The following RHOBTB2 variants were observed in gnomAD, a reference collection of about 807,000 sequenced individuals.
The protein encoded by RHOBTB2 is Rho related BTB domain containing 2.
RHOBTB2 carries 39 observed loss-of-function variants against 66.5 expected under a neutral mutation model. That is an observed-to-expected ratio of 0.59 (90% CI 0.45 to 0.77). The LOEUF (loss-of-function observed/expected upper bound fraction) is 0.77. Ranked by LOEUF, RHOBTB2 falls within the 30% of genes least tolerant of loss-of-function variation. RHOBTB2 has a pLI of 0.00. For synonymous variants in RHOBTB2, 390 were observed against 395.0 expected, an observed-to-expected ratio of 0.99 and a Z score of 0.15; for missense variants, 755 against 999.1, an observed-to-expected ratio of 0.76 and a Z score of 3.29.
At chr8:23,003,176 C>T (rs905401742) in intron 1 of RHOBTB2, among the ~76,000 whole-genome samples, 23 of 152,204 alleles carry the variant, frequency 1.5e-4, no homozygotes, top group African/African-American at 5.5e-4. Flanking sequence ...ATGACGCTGG[C>T]GAAACCAAGC....
the RHOBTB2 span, among the ~76,000 whole-genome samples, chr8:22,963,598 C>A: frequency 2.0e-5 from 3 of 151,910 alleles, no homozygotes; most frequent in Admixed American, 2.0e-4. Flanking sequence ...AAGACATACC[C>A]AAGACTGAGC....
chr8:22,960,387 C>T, the RHOBTB2 span, among the ~76,000 whole-genome samples: 14 of 149,296 alleles, frequency 9.4e-5, no homozygotes, highest in African/African-American at 3.2e-4. Flanking sequence ...GGTGCCATCT[C>T]GGCTCACTGC....
rs369421117 is a variant in RHOBTB2, at chr8:23,012,084, C to G, written c.1771+1396C>G. ...CAAGAGAGGCATCTAAAGATCCCAGCTACAACAGTATATCTTGTTTTGCTG... is the reference window on the plus strand; with the variant it reads ...CAAGAGAGGCATCTAAAGATCCCAGGTACAACAGTATATCTTGTTTTGCTG... On this transcript the variant is annotated intron_variant, in intron 7 of 9. Coordinates refer to ENST00000251822, the MANE Select transcript of RHOBTB2 (RefSeq NM_015178.3). 7.2e-5 allele frequency among the ~76,000 whole-genome samples: 11 copies of G among 152,288 alleles called. No homozygotes were observed. In the East Asian group the frequency reaches 1.5e-3, roughly 21 times the overall value.
chr8:22,979,246 A>C, the RHOBTB2 span, among the ~76,000 whole-genome samples: 1 of 152,168 alleles, frequency 6.6e-6, no homozygotes, highest in Non-Finnish European at 1.5e-5. Context: ...TAATTTGTTT[A>C]TTATTTTGGT....
At chr8:23,009,170 A>AAGAGAAAAAGAGAGAG (rs1554504925) in intron 6 of RHOBTB2, among the ~76,000 whole-genome samples, 2 of 138,198 alleles carry the variant, frequency 1.4e-5, no homozygotes, top group Non-Finnish European at 3.0e-5. Context: ...AAAAGAAAAA[A>AAGAGAAAAAGAGAGAG]AGAGAGAGAG....
intron 1 of RHOBTB2, among the ~76,000 whole-genome samples, chr8:23,000,958 G>A (rs776446340): frequency 4.0e-5 from 6 of 151,572 alleles, no homozygotes; most frequent in Non-Finnish European, 7.4e-5. Flanking sequence ...GCTGTGGGAG[G>A]GAAAGGGGCC....
At position 23,011,752 on chromosome 8, in the gene RHOBTB2, C is replaced by T. The variant is rs10095285; in HGVS notation, c.1771+1064C>T. ...CTAGTGGTGGCGGCAGGGGTACCAG[C>T]GCTGGTGTTGATGCCGAGGTTAATA... On this transcript the variant is annotated intron_variant, in intron 7 of 9. Coordinates refer to ENST00000251822, the MANE Select transcript of RHOBTB2 (RefSeq NM_015178.3). Among the ~76,000 whole-genome samples the T allele has an allele frequency of 9.3e-3, 1,422 of 152,222 alleles. 27 individuals carry two copies. Among genetic ancestry groups the T allele is most frequent in the African/African-American group, 0.032 (1,345 of 41,516 alleles).
At chr8:22,961,871 G>T in the RHOBTB2 span, among the ~76,000 whole-genome samples, 1 of 152,082 alleles carries the variant, frequency 6.6e-6, no homozygotes, top group Non-Finnish European at 1.5e-5. Flanking sequence ...GACCAACAAT[G>T]TAAGGAAAGG....
At chr8:22,994,468 G>A (rs1810494328) in intron 2 of RHOBTB2, 2 of 741,540 alleles carry the variant, frequency 2.7e-6, no homozygotes, top group South Asian at 1.7e-5. Flanking sequence ...TATCTGGGCT[G>A]AGCGACCTTG....
intron 9 of RHOBTB2, 40 bp downstream of exon 9, chr8:23,015,783 C>T (rs775094846): frequency 2.2e-6 from 3 of 1,380,734 alleles, no homozygotes; most frequent in Admixed American, 1.7e-5. Context: ...CTGCTGCCCT[C>T]CCCTTAGGGG....
upstream of RHOBTB2, among the ~76,000 whole-genome samples, chr8:22,995,005 ATCCACCTGCCTTGGCC>A (rs1330190172): frequency 3.9e-5 from 6 of 152,230 alleles, no homozygotes; most frequent in African/African-American, 1.2e-4. Context: ...ACCTCAGGTG[ATCCACCTGCCTTGGCC>A]TCCCAAAGTG....
chr8:23,015,378 C>T (rs2128807996), intron 8 of RHOBTB2, among the ~76,000 whole-genome samples: 1 of 152,226 alleles, frequency 6.6e-6, no homozygotes, highest in East Asian at 1.9e-4. Flanking sequence ...ACATAGGGCT[C>T]TGGTGTCTGC....
intron 1 of RHOBTB2, among the ~76,000 whole-genome samples, chr8:22,990,019 G>A (rs1810385895): frequency 6.6e-6 from 1 of 152,146 alleles, no homozygotes; most frequent in Admixed American, 6.5e-5. Flanking sequence ...GGTAGTACAT[G>A]CAGCACAATC....
intron 1 of RHOBTB2, among the ~76,000 whole-genome samples, chr8:22,987,731 G>A (rs892762126): frequency 6.6e-6 from 1 of 152,218 alleles, no homozygotes; most frequent in Non-Finnish European, 1.5e-5. Context: ...GGGAGCACGA[G>A]GGGTGGGGGC....
Position 23,019,600 on chromosome 8 carries a change from G to C in RHOBTB2, c.*2131G>C, listed in dbSNP as rs917695376. 2.0e-5 allele frequency: 3 copies of C among 152,598 alleles called. No homozygotes were observed. Among genetic ancestry groups the C allele is most frequent in the African/African-American group, 7.2e-5 (3 of 41,478 alleles). The allele number at this position is 152,598 out of a possible 1,614,324, so 9.5% of individuals were successfully genotyped here. On this transcript the variant is annotated 3_prime_UTR_variant, in exon 10 of 10. Coordinates refer to ENST00000251822, the MANE Select transcript of RHOBTB2 (RefSeq NM_015178.3). The stretch of plus-strand genomic sequence containing the variant: ...CGAAAGGGAGAGCGGGTCCTCCAGG[G>C]CAAGGGGAACGGGAAATAGGTCTCC...
chr8:22,960,092 A>G, the RHOBTB2 span, among the ~76,000 whole-genome samples: 1 of 150,598 alleles, frequency 6.6e-6, no homozygotes, highest in Non-Finnish European at 1.5e-5. Context: ...CTGAGGCAGG[A>G]GAATCGCCTG....
At chr8:23,011,318 A>T (rs894180472) in intron 7 of RHOBTB2, among the ~76,000 whole-genome samples, 2 of 152,226 alleles carry the variant, frequency 1.3e-5, no homozygotes, top group African/African-American at 4.8e-5. Context: ...CTTCACTTGG[A>T]CAAGCTTAAG....
At chr8:22,972,432 T>C in the RHOBTB2 span, among the ~76,000 whole-genome samples, 5 of 152,214 alleles carry the variant, frequency 3.3e-5, no homozygotes, top group Admixed American at 6.5e-5. Flanking sequence ...CTAAGGTTTC[T>C]TGAATCTGGT....
At chr8:22,990,313 G>C (rs1810392926) in intron 1 of RHOBTB2, among the ~76,000 whole-genome samples, 1 of 152,214 alleles carries the variant, frequency 6.6e-6, no homozygotes, top group African/African-American at 2.4e-5. Context: ...TTTTGGCCCA[G>C]AAGGGCTGCT....
Sources: gnomAD v4.1 joint callset for allele counts (sites outside exome capture counted in the v4.1 genomes callset) on GRCh38, gnomAD v4.1.1 for gene constraint, MANE v1.5 for transcripts, NCBI Gene and HGNC (gene_info 2026-07-23, HGNC 2026-07-21) for gene names.